Variants in IFT52 observed in about 807,000 individuals in gnomAD.
The protein encoded by IFT52 is intraflagellar transport protein 52 homolog.
In IFT52, 44 loss-of-function variants were observed where a neutral mutation model predicts 54.4. That is an observed-to-expected ratio of 0.81 (90% confidence interval 0.63 to 1.04). The LOEUF is 1.04. Among genes scored for constraint, IFT52 ranks in the 50% least tolerant of loss-of-function variants. The pLI, the probability that IFT52 is intolerant of heterozygous loss-of-function variation, is 0.00. For missense variants in IFT52, 452 were observed against 523.6 expected (o/e 0.86, Z 1.33); for synonymous variants, 181 against 185.3 (o/e 0.98, Z 0.19).
intron 7 of IFT52, among the ~76,000 whole-genome samples, chr20:43,615,390 C>G (rs1983781509): frequency 6.6e-6 from 1 of 152,180 alleles, no homozygotes; most frequent in African/African-American, 2.4e-5. Context: ...TTCATCTGCC[C>G]CCTAAGACAG....
chr20:43,593,178 A>G (rs1223925497), intron 1 of IFT52, among the ~76,000 whole-genome samples: 3 of 152,226 alleles, frequency 2.0e-5, no homozygotes. Context: ...GGACAAGAAA[A>G]TCAGAAGAAA....
chr20:43,591,175 G>C (rs1386970059), intron 1 of IFT52, 121 bp downstream of exon 1: 1 of 152,270 alleles, frequency 6.6e-6, no homozygotes, highest in African/African-American at 2.4e-5. Context: ...GGTCCCCCGG[G>C]GTGAAGTAAA....
At chr20:43,632,223 C>G (rs1203837121) in intron 10 of IFT52, among the ~76,000 whole-genome samples, 1 of 151,748 alleles carries the variant, frequency 6.6e-6, no homozygotes, top group Admixed American at 6.6e-5. Context: ...CTGCGCCCAG[C>G]CTATTTGTCT....
chr20:43,600,432 G>A (rs1982334027), intron 3 of IFT52, among the ~76,000 whole-genome samples: 1 of 151,832 alleles, frequency 6.6e-6, no homozygotes, highest in Non-Finnish European at 1.5e-5. Context: ...AGCCTTCCGA[G>A]TAGGTGGTAC....
At chr20:43,596,304 C>T (rs543756807) in intron 2 of IFT52, 131 bp from the exon 3 acceptor site, 14 of 589,918 alleles carry the variant, frequency 2.4e-5, no homozygotes, top group Non-Finnish European at 4.2e-5. Flanking sequence ...AGAGACTGGA[C>T]CAGTTACCTC....
intron 3 of IFT52, among the ~76,000 whole-genome samples, chr20:43,600,670 A>G (rs1253424843): frequency 6.6e-6 from 1 of 152,200 alleles, no homozygotes; most frequent in Non-Finnish European, 1.5e-5. Flanking sequence ...TACTTTGTAC[A>G]GTATTTACAT....
chr20:43,608,858 A>T (rs1292593996), intron 6 of IFT52, among the ~76,000 whole-genome samples: 2 of 152,090 alleles, frequency 1.3e-5, no homozygotes, highest in South Asian at 2.1e-4. Context: ...CAGTGAGCCG[A>T]GATTGCGCCG....
At chr20:43,607,930 C>T (rs1385902362) in intron 6 of IFT52, among the ~76,000 whole-genome samples, 5 of 152,200 alleles carry the variant, frequency 3.3e-5, no homozygotes, top group Non-Finnish European at 7.3e-5. Flanking sequence ...GGATCACTCG[C>T]GGTTAGGAGC....
intron 12 of IFT52, 101 bp from the exon 13 acceptor site, chr20:43,642,378 A>T: frequency 9.4e-7 from 1 of 1,062,352 alleles, no homozygotes; most frequent in Non-Finnish European, 1.4e-6. Context: ...GATCTTAGGA[A>T]ATGTGGAAAC....
chr20:43,615,282 T>TCC (rs919528888), intron 7 of IFT52, among the ~76,000 whole-genome samples: 1 of 150,256 alleles, frequency 6.7e-6, no homozygotes, highest in Non-Finnish European at 1.5e-5. Context: ...GCTCAGGCAA[T>TCC]CCCCCCCACC....
intron 9 of IFT52, among the ~76,000 whole-genome samples, chr20:43,621,549 G>C (rs1486730248): frequency 2.0e-5 from 3 of 152,188 alleles, no homozygotes; most frequent in Non-Finnish European, 4.4e-5. Flanking sequence ...TGCAACCTCT[G>C]TCTCCTGGGT....
At position 43,601,889 on chromosome 20, in the gene IFT52, CTGT is replaced by C. The variant is rs72112107; in HGVS notation, c.208-1863_208-1861del. ...GTTATAACCCATTTGTTTTGTTTTTCTGTTGTTGTTCCAAAAAATGTTTACTAA... is the reference window on the plus strand; with the variant it reads ...GTTATAACCCATTTGTTTTGTTTTTCTGTTGTTCCAAAAAATGTTTACTAA... On this transcript the variant is annotated intron_variant, in intron 3 of 13. Transcript: ENST00000373030. 4.9e-3 allele frequency among the ~76,000 whole-genome samples: 750 copies of C among 152,190 alleles called. 4 individuals carry two copies. The highest frequency in any genetic ancestry group is 0.011 in the South Asian group (53 of 4,820).
At chr20:43,639,616 G>A (rs1049902288) in intron 12 of IFT52, among the ~76,000 whole-genome samples, 1 of 152,154 alleles carries the variant, frequency 6.6e-6, no homozygotes, top group Admixed American at 6.6e-5. Context: ...GTTGCGGTGA[G>A]CCGAGATCGT....
chr20:43,605,460 C>T (rs1445136409), intron 6 of IFT52, among the ~76,000 whole-genome samples: 2 of 152,202 alleles, frequency 1.3e-5, no homozygotes, highest in Non-Finnish European at 1.5e-5. Context: ...GACAGGAGAA[C>T]TGTTTGAACC....
chr20:43,619,306 A>G (rs1262118946), intron 8 of IFT52, among the ~76,000 whole-genome samples: 3 of 152,174 alleles, frequency 2.0e-5, no homozygotes, highest in African/African-American at 7.2e-5. Flanking sequence ...GCGGAGAGGA[A>G]CAGGCTCAAT....
At chr20:43,627,088 A>T (rs1984777534) in intron 10 of IFT52, among the ~76,000 whole-genome samples, 1 of 151,828 alleles carries the variant, frequency 6.6e-6, no homozygotes, top group Non-Finnish European at 1.5e-5. Context: ...AGTCACTTGA[A>T]CCCGGGTGGC....
intron 10 of IFT52, among the ~76,000 whole-genome samples, chr20:43,629,365 C>T (rs1489056705): frequency 2.9e-5 from 4 of 139,766 alleles, no homozygotes; most frequent in South Asian, 2.4e-4. Context: ...CTCCGCCTCC[C>T]GGGTTCACGC....
chr20:43,607,265 ACCCCCCCACCTCCCTCCCGGACGGGGC>A, intron 6 of IFT52, among the ~76,000 whole-genome samples: 1 of 123,070 alleles, frequency 8.1e-6, no homozygotes, highest in African/African-American at 3.6e-5. Context: ...CGGGGGGCTG[ACCCCCCCACCTCCCTCCCGGACGGGGC>A]GGCTGGCCTG....
chr20:43,623,565 T>G (rs1984498285), intron 9 of IFT52, among the ~76,000 whole-genome samples: 2 of 152,198 alleles, frequency 1.3e-5, no homozygotes, highest in African/African-American at 4.8e-5. Flanking sequence ...GGAGATGTAG[T>G]TGATTGCTGA....
Sources: allele counts gnomAD v4.1 joint callset (sites outside exome capture counted in the v4.1 genomes callset), GRCh38; gene constraint gnomAD v4.1.1; transcripts MANE v1.5; gene names NCBI Gene and HGNC (gene_info 2026-07-23, HGNC 2026-07-21).